The following IFT172 variants were observed in gnomAD, a reference collection of about 807,000 sequenced individuals.
IFT172 encodes intraflagellar transport protein 172 homolog.
In IFT172, 164 loss-of-function variants were observed where a neutral mutation model predicts 248.9. The ratio of observed to expected loss-of-function variants is 0.66; its 90% CI spans 0.58 to 0.75. The LOEUF (loss-of-function observed/expected upper bound fraction) is 0.75. IFT172 is among the 30% of genes least tolerant of loss of function. The pLI is 0.00. For missense variants in IFT172, 1,950 were observed against 2,192.4 expected (o/e 0.89, Z 2.21); for synonymous variants, 729 against 791.6 (o/e 0.92, Z 1.33).
intron 18 of IFT172, among the ~76,000 whole-genome samples, chr2:27,464,150 ATG>A (rs891225979): frequency 2.0e-5 from 3 of 152,166 alleles, no homozygotes; most frequent in Non-Finnish European, 2.9e-5. Flanking sequence ...AGACATCAGG[ATG>A]TGTTTTGAAG....
At chr2:27,446,982 A>G (rs1348900429) in intron 42 of IFT172, among the ~76,000 whole-genome samples, 1 of 151,784 alleles carries the variant, frequency 6.6e-6, no homozygotes, top group Non-Finnish European at 1.5e-5. Flanking sequence ...TACAGGCGTG[A>G]GCCACCGCGC....
chr2:27,483,637 G>C lies in IFT172; in HGVS notation c.425C>G (p.Thr142Ser). The C allele has an allele frequency of 1.9e-6, 3 of 1,614,106 alleles. No homozygotes were observed. The highest frequency in any genetic ancestry group is 1.1e-5 in the South Asian group (1 of 91,078). Residue 142 changes from threonine to serine, a missense_variant, in exon 6 of 48, where the codon ACT (threonine) becomes AGT (serine). Transcript: ENST00000260570. ...CCCATAGATGGTAGATGATTTATTAGTTTTGGTGTTTGCTAAACGAACCTG... is the reference window on the plus strand; with the variant it reads ...CCCATAGATGGTAGATGATTTATTACTTTTGGTGTTTGCTAAACGAACCTG... ...EGKVRLANTK[T>S]NKSSTIYGTE... is the part of the protein sequence containing the mutation.
intron 11 of IFT172, 113 bp downstream of exon 11, chr2:27,477,882 C>T: frequency 7.4e-7 from 1 of 1,355,770 alleles, no homozygotes; most frequent in East Asian, 2.3e-5. Context: ...AGGTCCCCTA[C>T]ACCAGAATGT....
At chr2:27,460,038 T>C (rs990664069) in intron 23 of IFT172, among the ~76,000 whole-genome samples, 1 of 151,894 alleles carries the variant, frequency 6.6e-6, no homozygotes, top group East Asian at 1.9e-4. Flanking sequence ...GAAGTAGACA[T>C]AGGAGACTCC....
In IFT172 at chr2:27,446,241, C is replaced by T; in HGVS notation, c.4755+19G>A. 4 of 1,611,846 alleles carry T rather than the reference C, an allele frequency of 2.5e-6. No homozygotes were observed. Among genetic ancestry groups the T allele is most frequent in the Non-Finnish European group, 3.4e-6 (4 of 1,178,048 alleles). On this transcript the variant is annotated intron_variant, in intron 43 of 47. Coordinates refer to ENST00000260570, the MANE Select transcript of IFT172 (RefSeq NM_015662.3). ...TTAACTTCCTCCTATCTGCCCCACC[C>T]TTCCTTGTCCCAGCTCACCTTGGCA... is the stretch of plus-strand genomic sequence containing the variant.
rs1200526050 is a variant in IFT172, at chr2:27,458,179, G to GTA, written c.2920_2921dup (p.Ile975ThrfsTer22). 1 of 1,614,154 alleles carries GTA rather than the reference G, an allele frequency of 6.2e-7. No homozygotes were observed. On this transcript the variant is annotated frameshift_variant, in exon 27 of 48. Coordinates refer to ENST00000260570, the MANE Select transcript of IFT172 (RefSeq NM_015662.3). LOFTEE classifies it high-confidence loss of function. Reference sequence around the variant, plus strand: ...TCTCCATTTCCTGGGCCTGAGTGATGTATAGCACTGACACATCTTCTGGTC... The same window carrying GTA: ...TCTCCATTTCCTGGGCCTGAGTGATGTATATAGCACTGACACATCTTCTGGTC...
rs1407152047 is a variant in IFT172 at position 27,461,846 on chromosome 2, A to T, written c.2116-10T>A. 2 of 1,614,158 alleles carry T rather than the reference A, an allele frequency of 1.2e-6. No homozygotes were observed. The highest frequency in any genetic ancestry group is 3.3e-5 in the Admixed American group (2 of 60,016). On this transcript the variant is annotated splice_polypyrimidine_tract_variant and intron_variant, in intron 20 of 47. Coordinates refer to ENST00000260570, the MANE Select transcript of IFT172 (RefSeq NM_015662.3). ...CCTCCTCCACAGCATTCTAGGGGAAACAGGCAGAGCAGAGAGGGACACCAG... is the reference window on the plus strand; with the variant it reads ...CCTCCTCCACAGCATTCTAGGGGAATCAGGCAGAGCAGAGAGGGACACCAG...
chr2:27,448,394 C>T (rs1219344815), intron 40 of IFT172, among the ~76,000 whole-genome samples: 4 of 152,134 alleles, frequency 2.6e-5, no homozygotes, highest in East Asian at 1.9e-4. Context: ...CCACTGCGCC[C>T]GGCCAACAGT....
chr2:27,479,888 A>T, intron 9 of IFT172, 138 bp downstream of exon 9: 1 of 1,239,874 alleles, frequency 8.1e-7, no homozygotes, highest in Non-Finnish European at 1.1e-6. Flanking sequence ...TCCTGCCTTT[A>T]ATGCCAGAAT....
chr2:27,468,778 G>A (rs1459162397), intron 16 of IFT172, among the ~76,000 whole-genome samples: 1 of 151,220 alleles, frequency 6.6e-6, no homozygotes, highest in African/African-American at 2.4e-5. Flanking sequence ...GAACCCAGGA[G>A]GCAGAGGTTG....
Position 27,445,599 on chromosome 2 carries a change from G to C in IFT172, c.4914+146C>G. The C allele has an allele frequency of 2.3e-6, 3 of 1,295,520 alleles. No homozygotes were observed. Among genetic ancestry groups the C allele is most frequent in the Non-Finnish European group, 3.2e-6 (3 of 937,928 alleles). 80.3% of individuals were successfully genotyped at this position (1,295,520 alleles called of 1,614,324 possible). A position where few individuals can be genotyped will look rare whatever the true frequency, so the allele number is the denominator to read the frequency against. On this transcript the variant is annotated intron_variant, in intron 45 of 47. Transcript: ENST00000260570. This position sits in a 1 kb window ranked among gnomAD's most constrained non-coding sequence, Gnocchi z 4.4. ...CCTTGGATTGGGGGATGCAGTCACAGCCTTTTCTTTCTATTTTGCTTCTAC... is the reference window on the plus strand; with the variant it reads ...CCTTGGATTGGGGGATGCAGTCACACCCTTTTCTTTCTATTTTGCTTCTAC...
Position 27,461,765 on chromosome 2 carries a change from T to C in IFT172, c.2187A>G (p.Glu729=). ...HRWDECIAVA[E]AKGHPALEKL... ...GAGAAGATAAAACAGGTACCTTGGC[T>C]TCAGCCACAGCGATACACTCATCCC... is the stretch of plus-strand genomic sequence containing the variant. The change falls in exon 21 of 48, where the codon GAA becomes GAG. Residue 729 remains glutamate, a synonymous_variant. Transcript: ENST00000260570. 6.2e-7 allele frequency: 1 copy of C among 1,614,158 alleles called. No homozygotes were observed. The highest frequency in any genetic ancestry group is 1.3e-5 in the African/African-American group (1 of 75,034).
At chr2:27,480,805 A>T (rs1201546337) in intron 8 of IFT172, among the ~76,000 whole-genome samples, 2 of 152,184 alleles carry the variant, frequency 1.3e-5, no homozygotes, top group African/African-American at 4.8e-5. Flanking sequence ...GAAACAGAAA[A>T]TAGAGATGAA....
intron 3 of IFT172, among the ~76,000 whole-genome samples, chr2:27,484,694 T>C (rs1436981907): frequency 2.6e-5 from 4 of 152,146 alleles, no homozygotes; most frequent in Non-Finnish European, 5.9e-5. Context: ...CAGTAGTATT[T>C]CTGACTACTC....
chr2:27,467,240 T>C (rs1316196867), intron 16 of IFT172, among the ~76,000 whole-genome samples: 2 of 150,460 alleles, frequency 1.3e-5, no homozygotes, highest in Non-Finnish European at 3.0e-5. Context: ...GATTAGACAA[T>C]GATAAAAAGC....
In IFT172 at chr2:27,470,939, A is replaced by G. The variant is rs750884605; in HGVS notation, c.1681T>C (p.Phe561Leu). 1.2e-6 allele frequency: 2 copies of G among 1,604,968 alleles called. No homozygotes were observed. The highest frequency in any genetic ancestry group is 1.1e-5 in the South Asian group (1 of 89,422). The change falls in exon 16 of 48, where the codon TTC becomes CTC. Residue 561 changes from phenylalanine (F) to leucine (L), a missense_variant. Phe to Leu is a conservative substitution (Grantham distance 22, BLOSUM62 0). Around this residue, in one of 3 missense-constraint regions of IFT172, gnomAD observed 1,166 missense variants for 1,254.1 expected, o/e 0.93. Coordinates refer to ENST00000260570, the MANE Select transcript of IFT172 (RefSeq NM_015662.3). The part of the protein sequence containing the change: ...NIEAPERVTM[F>L]TIRGDVIGLE... ...AGTGTCCAACATACCCTAATAGTGA[A>G]CATGGTGACTCTCTCAGGTGCCTCA...
chr2:27,459,242 C>T (rs766158147), intron 25 of IFT172, 136 bp downstream of exon 25: 9 of 1,096,486 alleles, frequency 8.2e-6, no homozygotes, highest in Non-Finnish European at 1.2e-5. Flanking sequence ...CTGTTCTCTT[C>T]CCCTTCAAGG....
Position 27,484,258 on chromosome 2 carries a change from T to G in IFT172, c.305A>C (p.Lys102Thr), listed in dbSNP as rs1417967814. 6.2e-7 allele frequency: 1 copy of G among 1,613,970 alleles called. No individual in the cohort carries two copies. Among genetic ancestry groups the G allele is most frequent in the African/African-American group, 1.3e-5 (1 of 75,048 alleles). ...GATGAACTTGTTGCAGATGACTTTC[T>G]TGTCACCCCTGCCAAACAAAAGAAG... ...VYKIGEDWGDKKVICNKFIQT... is the reference protein window; with the variant it reads ...VYKIGEDWGDTKVICNKFIQT... The change falls in exon 4 of 48, where the codon AAG becomes ACG. Residue 102 changes from lysine (K) to threonine (T), a missense_variant. Coordinates refer to ENST00000260570, the MANE Select transcript of IFT172 (RefSeq NM_015662.3).
Position 27,481,263 on chromosome 2 carries a change from A to T in IFT172, c.571-3T>A, listed in dbSNP as rs761193112. 1.2e-6 allele frequency: 2 copies of T among 1,609,150 alleles called. No homozygotes were observed. Among genetic ancestry groups the T allele is most frequent in the African/African-American group, 2.7e-5 (2 of 74,750 alleles). ...CACGGGTGGTTAACCAACTTCCCCT[A>T]AGACAGAAGTAGAGGGTTTCAATCA... On this transcript the variant is annotated splice_polypyrimidine_tract_variant and splice_region_variant and intron_variant, in intron 7 of 47. Coordinates refer to ENST00000260570, the MANE Select transcript of IFT172 (RefSeq NM_015662.3).
Sources: allele counts gnomAD v4.1 joint callset (sites outside exome capture counted in the v4.1 genomes callset), GRCh38; gene constraint gnomAD v4.1.1; regional missense constraint gnomAD v4.1.1; non-coding constraint Gnocchi (gnomAD v3.1); transcripts MANE v1.5; gene names NCBI Gene and HGNC (gene_info 2026-07-23, HGNC 2026-07-21).